The following DCDC2C variants were observed in gnomAD, a reference collection of about 807,000 sequenced individuals.
DCDC2C encodes the protein doublecortin domain-containing protein 2C.
DCDC2C carries 44 observed loss-of-function variants against 45.0 expected under a neutral mutation model. The observed-to-expected ratio is 0.98, with a 90% confidence interval of 0.77 to 1.26. DCDC2C has a LOEUF of 1.26. DCDC2C is among the 50% of genes most tolerant of loss of function. DCDC2C has a pLI of 0.00. For synonymous variants in DCDC2C, 187 were observed against 178.8 expected, an observed-to-expected ratio of 1.05 and a Z score of -0.37; for missense variants, 447 against 468.9, an observed-to-expected ratio of 0.95 and a Z score of 0.43.
At chr2:3,824,382 T>G (rs1572643345) in intron 10 of DCDC2C, among the ~76,000 whole-genome samples, 1 of 152,240 alleles carries the variant, frequency 6.6e-6, no homozygotes, top group African/African-American at 2.4e-5. Context: ...TAGACAAATC[T>G]TGAATGAAAA....
At chr2:3,838,111 A>C (rs555972428) in intron 10 of DCDC2C, among the ~76,000 whole-genome samples, 27 of 152,232 alleles carry the variant, frequency 1.8e-4, no homozygotes, top group Admixed American at 1.8e-3. Flanking sequence ...GAGCCCTTGA[A>C]GGTGGTGATC....
chr2:3,820,712 T>C (rs920129284), intron 10 of DCDC2C, among the ~76,000 whole-genome samples: 2 of 151,928 alleles, frequency 1.3e-5, no homozygotes, highest in African/African-American at 4.8e-5. Flanking sequence ...ACGGGGAGAT[T>C]GGAGGGTAGC....
intron 9 of DCDC2C, among the ~76,000 whole-genome samples, chr2:3,781,963 G>T (rs1270780152): frequency 1.3e-5 from 2 of 152,156 alleles, no homozygotes; most frequent in Non-Finnish European, 2.9e-5. Flanking sequence ...TATTTTTGTG[G>T]TAACATATAA....
chr2:3,792,997 A>G (rs73910374), intron 10 of DCDC2C, among the ~76,000 whole-genome samples: 3,189 of 152,326 alleles, frequency 0.021, 128 homozygotes, highest in African/African-American at 0.073. Context: ...CGTTCAGAGT[A>G]CATGGAGATT....
intron 10 of DCDC2C, among the ~76,000 whole-genome samples, chr2:3,829,284 CTTTTTT>C (rs5828893): frequency 3.1e-5 from 4 of 129,594 alleles, no homozygotes; most frequent in East Asian, 2.2e-4. Context: ...ATGTCTTTTT[CTTTTTT>C]TTTTTTTTTT....
intron 3 of DCDC2C, among the ~76,000 whole-genome samples, chr2:3,733,710 C>T (rs1668940944): frequency 6.6e-6 from 1 of 152,166 alleles, no homozygotes; most frequent in Non-Finnish European, 1.5e-5. Flanking sequence ...TATAAGGACA[C>T]TAATCCCACT....
chr2:3,712,818 A>T (rs1468898330), intron 2 of DCDC2C, among the ~76,000 whole-genome samples: 1 of 152,190 alleles, frequency 6.6e-6, no homozygotes, highest in African/African-American at 2.4e-5. Context: ...CACAATGTGC[A>T]TTGGAGAGTC....
At chr2:3,785,212 T>A in intron 10 of DCDC2C, 112 bp downstream of exon 10, 2 of 754,634 alleles carry the variant, frequency 2.7e-6, no homozygotes, top group Non-Finnish European at 3.6e-6. Flanking sequence ...GGAATGTAAC[T>A]TTTATGCCTC....
intron 10 of DCDC2C, among the ~76,000 whole-genome samples, chr2:3,822,879 A>G (rs973714259): frequency 2.6e-5 from 4 of 152,082 alleles, no homozygotes; most frequent in Admixed American, 6.6e-5. Context: ...GGTCTTTCCC[A>G]TGCTGATCTT....
intron 10 of DCDC2C, among the ~76,000 whole-genome samples, chr2:3,813,069 T>TATATA (rs1558238816): frequency 1.3e-3 from 70 of 54,916 alleles, no homozygotes; most frequent in Non-Finnish European, 2.0e-3. Context: ...ATATATATAT[T>TATATA]TTTTTTTTTT....
At chr2:3,802,702 C>T (rs1426204667) in intron 10 of DCDC2C, among the ~76,000 whole-genome samples, 1 of 152,112 alleles carries the variant, frequency 6.6e-6, no homozygotes, top group Non-Finnish European at 1.5e-5. Flanking sequence ...TTCCAAAGGC[C>T]CAGCCTCCTA....
At chr2:3,717,327 T>C (rs567853708) in intron 2 of DCDC2C, among the ~76,000 whole-genome samples, 1 of 152,342 alleles carries the variant, frequency 6.6e-6, no homozygotes, top group South Asian at 2.1e-4. Context: ...CTCATTGGCC[T>C]CTGACTCCAA....
intron 4 of DCDC2C, among the ~76,000 whole-genome samples, chr2:3,744,510 T>G (rs927457180): frequency 2.6e-5 from 4 of 152,064 alleles, no homozygotes; most frequent in Non-Finnish European, 5.9e-5. Context: ...GAGATGAAGA[T>G]CTTTCAGGCT....
chr2:3,738,901 A>G (rs1179610308), intron 3 of DCDC2C, among the ~76,000 whole-genome samples: 2 of 152,140 alleles, frequency 1.3e-5, no homozygotes, highest in East Asian at 3.9e-4. Context: ...GTTTTTGGGT[A>G]TTTTAGATGG....
At chr2:3,744,018 AAAGGGAG>A (rs1669290036) in intron 4 of DCDC2C, among the ~76,000 whole-genome samples, 1 of 152,200 alleles carries the variant, frequency 6.6e-6, no homozygotes, top group Non-Finnish European at 1.5e-5. Flanking sequence ...AGGACTCTAA[AAAGGGAG>A]AAGGCTGTGT....
chr2:3,821,189 A>G (rs1671680569), intron 10 of DCDC2C, among the ~76,000 whole-genome samples: 1 of 152,168 alleles, frequency 6.6e-6, no homozygotes, highest in Non-Finnish European at 1.5e-5. Flanking sequence ...CTGAGCCAGG[A>G]GAAGGAATTT....
At chr2:3,743,808 C>G (rs1021747554) in intron 4 of DCDC2C, among the ~76,000 whole-genome samples, 1 of 152,200 alleles carries the variant, frequency 6.6e-6, no homozygotes, top group African/African-American at 2.4e-5. Flanking sequence ...TGGCTCACGC[C>G]TGTAATCCCA....
At position 3,741,914 on chromosome 2, in the gene DCDC2C, T is replaced by C; in HGVS notation, c.417-6T>C. The C allele has an allele frequency of 6.5e-7, 1 of 1,543,150 alleles. No individual in the cohort carries two copies. Among genetic ancestry groups the C allele is most frequent in the Non-Finnish European group, 8.7e-7 (1 of 1,144,484 alleles). On this transcript the variant is annotated splice_polypyrimidine_tract_variant and splice_region_variant and intron_variant, in intron 3 of 10. Transcript: ENST00000399143. ...TTAATGGATGCTTTTCTTTTTATTCTTACAGTGTTTTTACAAATGGAAGAT... is the reference window on the plus strand; with the variant it reads ...TTAATGGATGCTTTTCTTTTTATTCCTACAGTGTTTTTACAAATGGAAGAT...
At chr2:3,725,527 A>G (rs62106608) in intron 2 of DCDC2C, among the ~76,000 whole-genome samples, 473 of 21,568 alleles carry the variant, frequency 0.022, 9 homozygotes, top group East Asian at 0.094. Context: ...ATCCCAGAGG[A>G]AGACGAGCAG....
Sources: gnomAD v4.1 joint callset for allele counts (sites outside exome capture counted in the v4.1 genomes callset) on GRCh38, gnomAD v4.1.1 for gene constraint, MANE v1.5 for transcripts, NCBI Gene and HGNC (gene_info 2026-07-23, HGNC 2026-07-21) for gene names.